Variants in STPG4 observed in about 807,000 individuals in gnomAD.
The protein encoded by STPG4 is protein STPG4.
A neutral mutation model predicts 31.5 loss-of-function variants in STPG4; 41 were observed. The ratio of observed to expected loss-of-function variants is 1.30; its 90% CI spans 1.01 to 1.69. The LOEUF (loss-of-function observed/expected upper bound fraction) is 1.69. Among genes scored for constraint, STPG4 ranks in the 40% most tolerant of loss-of-function variants. The probability of loss-of-function intolerance (pLI) is 0.00; values close to 1 mark genes in which losing one functional copy is unlikely to be tolerated. For synonymous variants in STPG4, 141 were observed against 103.0 expected, an observed-to-expected ratio of 1.37 and a Z score of -2.24; for missense variants, 375 against 293.4, an observed-to-expected ratio of 1.28 and a Z score of -2.03.
At chr2:47,101,288 A>G (rs1052257462) in intron 5 of STPG4, among the ~76,000 whole-genome samples, 3 of 151,716 alleles carry the variant, frequency 2.0e-5, no homozygotes, top group African/African-American at 7.3e-5. Flanking sequence ...GCCTAGAACC[A>G]GCTTCTGCTT....
At chr2:47,108,940 G>C (rs765190168) in intron 5 of STPG4, 2 of 152,256 alleles carry the variant, frequency 1.3e-5, no homozygotes, top group East Asian at 1.9e-4. Flanking sequence ...GGGATAGCAC[G>C]TGCAAAGTAG....
intron 3 of STPG4, among the ~76,000 whole-genome samples, chr2:47,146,584 T>C (rs942772191): frequency 3.6e-5 from 5 of 140,658 alleles, no homozygotes; most frequent in Non-Finnish European, 7.7e-5. Context: ...AAAAAAGGAA[T>C]TGGATATACA....
chr2:47,098,182 C>T (rs1474285070), intron 5 of STPG4, among the ~76,000 whole-genome samples: 1 of 152,176 alleles, frequency 6.6e-6, no homozygotes, highest in African/African-American at 2.4e-5. Flanking sequence ...GTCTTCCAGG[C>T]CTCCTCTCTA....
In STPG4 at chr2:47,102,057, C is replaced by T. The variant is rs190836892; in HGVS notation, c.520-11683G>A. On this transcript the variant is annotated intron_variant, in intron 5 of 6. Transcript: ENST00000445927. ...GTAGGTAAGGACCACTAAATCCAAC[C>T]TTCTTTGGTCCTCCATGTGGTCTGG... Among the ~76,000 whole-genome samples the T allele has an allele frequency of 5.8e-4, 88 of 151,972 alleles. 1 individual carries two copies. Among genetic ancestry groups the T allele is most frequent in the African/African-American group, 2.1e-3 (85 of 41,340 alleles).
chr2:47,112,255 C>G (rs1192310122), intron 5 of STPG4, among the ~76,000 whole-genome samples: 1 of 152,112 alleles, frequency 6.6e-6, no homozygotes, highest in Non-Finnish European at 1.5e-5. Flanking sequence ...CAAACTCTGC[C>G]TCTCAGGTTC....
intron 5 of STPG4, among the ~76,000 whole-genome samples, chr2:47,120,484 G>A (rs1182564662): frequency 1.3e-5 from 2 of 151,726 alleles, no homozygotes; most frequent in African/African-American, 4.8e-5. Flanking sequence ...GGAGAATGGC[G>A]TGAACCTGGG....
At chr2:47,103,464 G>A (rs866542337) in intron 5 of STPG4, among the ~76,000 whole-genome samples, 3 of 151,832 alleles carry the variant, frequency 2.0e-5, no homozygotes, top group African/African-American at 4.9e-5. Flanking sequence ...TTCTATAAGA[G>A]GGACCAAGAG....
chr2:47,150,656 T>C (rs66519675), intron 3 of STPG4, among the ~76,000 whole-genome samples: 22,587 of 151,202 alleles, frequency 0.15, 2,099 homozygotes, highest in African/African-American at 0.25. Flanking sequence ...GCTATTTTTT[T>C]TTTTTTTTTA....
intron 3 of STPG4, among the ~76,000 whole-genome samples, chr2:47,132,231 CAGG>C (rs1378147379): frequency 6.6e-6 from 1 of 151,210 alleles, no homozygotes; most frequent in Non-Finnish European, 1.5e-5. Flanking sequence ...AATGAGAAGC[CAGG>C]AGGAGAAGAT....
At chr2:47,121,441 G>C (rs933035294) in intron 5 of STPG4, among the ~76,000 whole-genome samples, 1 of 152,146 alleles carries the variant, frequency 6.6e-6, no homozygotes, top group African/African-American at 2.4e-5. Context: ...CAGGCAGGAA[G>C]CTGATGAGTC....
chr2:47,088,072 T>G (rs1350086355), intron 6 of STPG4, among the ~76,000 whole-genome samples: 4 of 151,986 alleles, frequency 2.6e-5, no homozygotes, highest in African/African-American at 4.8e-5. Context: ...TGTTTTTGTT[T>G]GTTTGTTTGT....
At chr2:47,112,950 T>A (rs1360037497) in intron 5 of STPG4, among the ~76,000 whole-genome samples, 1 of 139,918 alleles carries the variant, frequency 7.1e-6, no homozygotes, top group Non-Finnish European at 1.5e-5. Context: ...CAAGATTATG[T>A]CACTGCGCTC....
intron 5 of STPG4, among the ~76,000 whole-genome samples, chr2:47,127,290 A>G (rs1468140451): frequency 1.9e-4 from 11 of 59,108 alleles, no homozygotes; most frequent in Admixed American, 1.7e-3. Flanking sequence ...TTTTTTTGAG[A>G]CAGAGTCTTA....
intron 5 of STPG4, among the ~76,000 whole-genome samples, chr2:47,103,531 C>G (rs1460478595): frequency 6.6e-6 from 1 of 151,842 alleles, no homozygotes; most frequent in East Asian, 1.9e-4. Context: ...TAGTCATGGC[C>G]CTCAGACAGA....
chr2:47,122,622 T>G (rs1296499346), intron 5 of STPG4, among the ~76,000 whole-genome samples: 1 of 152,140 alleles, frequency 6.6e-6, no homozygotes, highest in Non-Finnish European at 1.5e-5. Flanking sequence ...AATCTTGTAT[T>G]AATAAAAAAA....
chr2:47,146,459 C>G (rs1686821884), intron 3 of STPG4, among the ~76,000 whole-genome samples: 2 of 151,796 alleles, frequency 1.3e-5, no homozygotes, highest in Admixed American at 6.6e-5. Flanking sequence ...GCCGCAATGG[C>G]TCACTCCTGT....
chr2:47,138,750 A>T (rs1420000325), intron 3 of STPG4, among the ~76,000 whole-genome samples: 7 of 152,180 alleles, frequency 4.6e-5, no homozygotes, highest in Admixed American at 4.6e-4. Flanking sequence ...GGGTTTCACC[A>T]TGTTGGCCAG....
rs931292655 is a variant in STPG4 at position 47,090,335 on chromosome 2, G to T, written c.559C>A (p.Pro187Thr). The T allele has an allele frequency of 6.4e-7, 1 of 1,551,846 alleles. No homozygotes were observed. The highest frequency in any genetic ancestry group is 8.7e-7 in the Non-Finnish European group (1 of 1,146,966). Residue 187 changes from proline to threonine, a missense_variant, in exon 6 of 7, where the codon CCT becomes ACT. Transcript: ENST00000445927. ...PGPGHYNVKMPPTSSVTSCFQ... is the reference protein window; with the variant it reads ...PGPGHYNVKMTPTSSVTSCFQ... The stretch of plus-strand genomic sequence containing the variant: ...CAAGAAGTGACAGAGCTTGTTGGAG[G>T]CATTTTCACATTATAATGACCTGGA...
chr2:47,124,249 T>A (rs1686324343), intron 5 of STPG4, among the ~76,000 whole-genome samples: 1 of 152,160 alleles, frequency 6.6e-6, no homozygotes, highest in Non-Finnish European at 1.5e-5. Flanking sequence ...CCTCCCAAAG[T>A]GCTGGGATTA....
Sources: gnomAD v4.1 joint callset for allele counts (sites outside exome capture counted in the v4.1 genomes callset) on GRCh38, gnomAD v4.1.1 for gene constraint, MANE v1.5 for transcripts, NCBI Gene and HGNC (gene_info 2026-07-23, HGNC 2026-07-21) for gene names.